Variants in CNTNAP2 observed in about 807,000 individuals in gnomAD.
CNTNAP2 encodes contactin associated protein 2.
CNTNAP2 carries 98 observed loss-of-function variants against 155.2 expected under a neutral mutation model. That is an observed-to-expected ratio of 0.63 (90% CI 0.54 to 0.75). CNTNAP2 has a LOEUF of 0.75. Among genes scored for constraint, CNTNAP2 ranks in the 30% least tolerant of loss-of-function variants. The probability of loss-of-function intolerance (pLI) is 0.00; values close to 1 mark genes in which losing one functional copy is unlikely to be tolerated. For synonymous variants in CNTNAP2, 651 were observed against 631.2 expected, an observed-to-expected ratio of 1.03 and a Z score of -0.47; for missense variants, 1,727 against 1,688.1, an observed-to-expected ratio of 1.02 and a Z score of -0.40.
At chr7:146,608,507 A>G (rs972464526) in intron 1 of CNTNAP2, among the ~76,000 whole-genome samples, 1 of 152,186 alleles carries the variant, frequency 6.6e-6, no homozygotes, top group African/African-American at 2.4e-5. Flanking sequence ...TGCTTCAGTG[A>G]AGCAAATTCC....
At chr7:146,212,318 A>G (rs551399057) in intron 1 of CNTNAP2, among the ~76,000 whole-genome samples, 4 of 152,278 alleles carry the variant, frequency 2.6e-5, no homozygotes, top group Admixed American at 2.6e-4. Context: ...AAGACGTAGC[A>G]TTCACCAATG....
At chr7:147,568,992 G>T (rs1365576885) in intron 12 of CNTNAP2, among the ~76,000 whole-genome samples, 1 of 151,934 alleles carries the variant, frequency 6.6e-6, no homozygotes, top group East Asian at 1.9e-4. Context: ...AAGCATCTGT[G>T]CTCTAGTGCG....
At chr7:147,969,334 G>C (rs1801288859) in intron 14 of CNTNAP2, among the ~76,000 whole-genome samples, 1 of 152,036 alleles carries the variant, frequency 6.6e-6, no homozygotes, top group African/African-American at 2.4e-5. Context: ...TAAGGGATGA[G>C]CCCCCACGCC....
intron 3 of CNTNAP2, among the ~76,000 whole-genome samples, chr7:146,889,707 C>T (rs1410234823): frequency 1.3e-5 from 2 of 152,102 alleles, no homozygotes; most frequent in Non-Finnish European, 2.9e-5. Flanking sequence ...TTCTTCATCA[C>T]TTATTCCTAG....
At chr7:147,315,169 G>A (rs1795202951) in intron 9 of CNTNAP2, among the ~76,000 whole-genome samples, 1 of 148,676 alleles carries the variant, frequency 6.7e-6, no homozygotes, top group South Asian at 2.1e-4. Flanking sequence ...GATTCAGTAG[G>A]TATGAGGTTG....
At chr7:146,622,308 T>C (rs1431536820) in intron 1 of CNTNAP2, among the ~76,000 whole-genome samples, 1 of 151,688 alleles carries the variant, frequency 6.6e-6, no homozygotes, top group African/African-American at 2.4e-5. Flanking sequence ...AGCTTGTATA[T>C]TTTTTGCTCC....
At chr7:147,794,747 T>A (rs851691) in intron 13 of CNTNAP2, among the ~76,000 whole-genome samples, 31,337 of 149,418 alleles carry the variant, frequency 0.21, 3,547 homozygotes, top group Middle Eastern at 0.31. Context: ...GTTTTTTTTT[T>A]AAAAACAATT....
rs967616605 is a variant in CNTNAP2 at position 147,670,300 on chromosome 7, G to A, written c.2098+30994G>A. ...AGACCTGAGGTCCGTGTTCCAATTC[G>A]CCAGGGATGTGAATGCCCTGGACGT... On this transcript the variant is annotated intron_variant, in intron 13 of 23. Coordinates refer to ENST00000361727, the MANE Select transcript of CNTNAP2 (RefSeq NM_014141.6). Among the ~76,000 whole-genome samples the A allele has an allele frequency of 5.9e-5, 9 of 152,080 alleles. No individual in the cohort carries two copies. The East Asian group carries it at 7.7e-4, about 13-fold the overall frequency.
At chr7:146,990,570 T>C (rs920994066) in intron 3 of CNTNAP2, among the ~76,000 whole-genome samples, 11 of 152,074 alleles carry the variant, frequency 7.2e-5, no homozygotes, top group Non-Finnish European at 1.3e-4. Context: ...TTCTCCCTGA[T>C]TTCTCTTCCC....
chr7:146,344,381 C>T (rs556296693), intron 1 of CNTNAP2, among the ~76,000 whole-genome samples: 1 of 151,904 alleles, frequency 6.6e-6, no homozygotes, highest in Non-Finnish European at 1.5e-5. Flanking sequence ...AATACAATTA[C>T]TTTCTCATAT....
At chr7:146,838,130 G>A (rs144364556) in intron 2 of CNTNAP2, among the ~76,000 whole-genome samples, 15 of 152,106 alleles carry the variant, frequency 9.9e-5, no homozygotes, top group Admixed American at 2.6e-4. Context: ...ATATGTTTCC[G>A]TTTCAATGAC....
chr7:146,721,397 A>G, intron 1 of CNTNAP2, among the ~76,000 whole-genome samples: 1 of 128,996 alleles, frequency 7.8e-6, no homozygotes, highest in East Asian at 2.3e-4. Context: ...CATTCTATAT[A>G]CATTCTATAT....
chr7:147,028,816 CAA>C (rs1798970806), intron 3 of CNTNAP2, among the ~76,000 whole-genome samples: 2 of 151,722 alleles, frequency 1.3e-5, no homozygotes, highest in South Asian at 4.2e-4. Flanking sequence ...CATTTGAAGA[CAA>C]AAAAGCAGAT....
chr7:146,757,286 T>TCTA (rs1802010639), intron 1 of CNTNAP2, among the ~76,000 whole-genome samples: 1 of 152,112 alleles, frequency 6.6e-6, no homozygotes, highest in African/African-American at 2.4e-5. Context: ...TGATGATTTA[T>TCTA]CTACGTCACA....
intron 15 of CNTNAP2, among the ~76,000 whole-genome samples, chr7:148,045,521 T>G (rs1011997662): frequency 6.6e-6 from 1 of 152,104 alleles, no homozygotes; most frequent in Non-Finnish European, 1.5e-5. Flanking sequence ...CTTGAGGAGC[T>G]AGGAGGAAGC....
chr7:148,413,401 A>AAAAAAAAATATAT (rs1442990213), intron 23 of CNTNAP2, among the ~76,000 whole-genome samples: 2 of 45,370 alleles, frequency 4.4e-5, no homozygotes, highest in African/African-American at 1.3e-4. Context: ...TCAAAAAAAA[A>AAAAAAAAATATAT]ATATATATAT....
In CNTNAP2 at chr7:146,226,026, A is replaced by G. The variant is rs145237973; in HGVS notation, c.97+109053A>G. Among the ~76,000 whole-genome samples the G allele has an allele frequency of 1.1e-3, 169 of 152,336 alleles. 1 individual carries two copies. Among genetic ancestry groups the G allele is most frequent in the African/African-American group, 3.7e-3 (154 of 41,578 alleles). ...CAGACATGAAGATTGGCTACAAAGA[A>G]TGTAACTAGATTTTTAAACAGATTT... On this transcript the variant is annotated intron_variant, in intron 1 of 23. Transcript: ENST00000361727.
At chr7:147,105,249 G>A (rs1300909137) in intron 4 of CNTNAP2, among the ~76,000 whole-genome samples, 3 of 151,886 alleles carry the variant, frequency 2.0e-5, no homozygotes, top group Non-Finnish European at 1.5e-5. Context: ...TTGAAAAAGC[G>A]TTTTCTACCA....
chr7:146,540,926 C>G (rs1797943532), intron 1 of CNTNAP2, among the ~76,000 whole-genome samples: 1 of 152,008 alleles, frequency 6.6e-6, no homozygotes, highest in African/African-American at 2.4e-5. Context: ...GTTTGATTGT[C>G]AAGCTTTATA....
Sources: allele counts gnomAD v4.1 joint callset (sites outside exome capture counted in the v4.1 genomes callset), GRCh38; gene constraint gnomAD v4.1.1; transcripts MANE v1.5; gene names NCBI Gene and HGNC (gene_info 2026-07-23, HGNC 2026-07-21).